Variants in CHRM2 observed in about 807,000 individuals in gnomAD.
CHRM2 encodes muscarinic acetylcholine receptor M2.
In CHRM2, 8 loss-of-function variants were observed where a neutral mutation model predicts 25.0. That is an observed-to-expected ratio of 0.32 (90% CI 0.19 to 0.58). The LOEUF (loss-of-function observed/expected upper bound fraction) is 0.58, where lower values mean the gene tolerates loss of function less well. Among genes scored for constraint, CHRM2 ranks in the 20% least tolerant of loss-of-function variants. The probability of loss-of-function intolerance (pLI) is 0.88; values close to 1 mark genes in which losing one functional copy is unlikely to be tolerated. For missense variants in CHRM2, 440 were observed against 567.1 expected, an observed-to-expected ratio of 0.78 and a Z score of 2.28; for synonymous variants, 202 against 205.7, an observed-to-expected ratio of 0.98 and a Z score of 0.15.
chr7:136,879,032 G>A (rs928891119), intron 2 of CHRM2, among the ~76,000 whole-genome samples: 1 of 151,858 alleles, frequency 6.6e-6, no homozygotes, highest in African/African-American at 2.4e-5. Context: ...TCAGTCTTAG[G>A]TGAAGTTTAG....
At chr7:136,951,285 A>G (rs562478328) in intron 2 of CHRM2, among the ~76,000 whole-genome samples, 4 of 152,316 alleles carry the variant, frequency 2.6e-5, no homozygotes, top group South Asian at 2.1e-4. Context: ...TTGAAGATAC[A>G]TAGAATTTGT....
At chr7:136,985,069 G>A (rs968675929) in intron 2 of CHRM2, among the ~76,000 whole-genome samples, 6 of 152,098 alleles carry the variant, frequency 3.9e-5, no homozygotes, top group African/African-American at 1.2e-4. Context: ...AATAAACTTT[G>A]TCATTGCTGT....
At chr7:136,873,090 T>C (rs1295150048) in intron 2 of CHRM2, among the ~76,000 whole-genome samples, 1 of 152,220 alleles carries the variant, frequency 6.6e-6, no homozygotes. Context: ...ACATGGACTC[T>C]CCGTGGCATA....
At chr7:136,979,318 T>C (rs1011339945) in intron 2 of CHRM2, among the ~76,000 whole-genome samples, 1 of 152,262 alleles carries the variant, frequency 6.6e-6, no homozygotes, top group Non-Finnish European at 1.5e-5. Context: ...TAAATTTGTT[T>C]AAGTTCCTTA....
intron 3 of CHRM2, among the ~76,000 whole-genome samples, chr7:136,992,883 T>G (rs1229862592): frequency 6.6e-6 from 1 of 152,162 alleles, no homozygotes; most frequent in Non-Finnish European, 1.5e-5. Flanking sequence ...TAGAATTTAT[T>G]CTCCAAGAAA....
At chr7:136,916,843 T>C (rs911991448) in intron 2 of CHRM2, among the ~76,000 whole-genome samples, 4 of 151,668 alleles carry the variant, frequency 2.6e-5, no homozygotes, top group African/African-American at 9.7e-5. Flanking sequence ...TTTCTCTCTC[T>C]CTCTCTCTCT....
At chr7:136,912,621 C>T (rs938355106) in intron 2 of CHRM2, among the ~76,000 whole-genome samples, 1 of 151,806 alleles carries the variant, frequency 6.6e-6, no homozygotes, top group African/African-American at 2.4e-5. Context: ...ACCGTTTGAA[C>T]CCAGAACTTC....
chr7:136,907,291 T>G (rs1797608729), intron 2 of CHRM2, among the ~76,000 whole-genome samples: 1 of 151,924 alleles, frequency 6.6e-6, no homozygotes, highest in Non-Finnish European at 1.5e-5. Flanking sequence ...AATTCAAAAC[T>G]TTCTGTACTT....
At chr7:136,970,843 C>A (rs1801717731) in intron 2 of CHRM2, among the ~76,000 whole-genome samples, 1 of 152,168 alleles carries the variant, frequency 6.6e-6, no homozygotes, top group African/African-American at 2.4e-5. Flanking sequence ...ACTAGTGACT[C>A]AGAGATTTTG....
At chr7:136,955,205 C>T (rs1186155813) in intron 2 of CHRM2, among the ~76,000 whole-genome samples, 3 of 152,128 alleles carry the variant, frequency 2.0e-5, no homozygotes, top group East Asian at 1.9e-4. Context: ...TGAAATGCAT[C>T]CTGACTGCTT....
chr7:136,952,817 A>C (rs1457139502), intron 2 of CHRM2, among the ~76,000 whole-genome samples: 11 of 152,006 alleles, frequency 7.2e-5, no homozygotes, highest in African/African-American at 2.7e-4. Flanking sequence ...TAAGAACATA[A>C]GGTATTTGGT....
At chr7:136,923,481 A>T (rs749545685) in intron 2 of CHRM2, among the ~76,000 whole-genome samples, 1 of 149,404 alleles carries the variant, frequency 6.7e-6, no homozygotes, top group Non-Finnish European at 1.5e-5. Context: ...AATCCAATCA[A>T]TTTTTTTTTT....
intron 2 of CHRM2, among the ~76,000 whole-genome samples, chr7:136,912,383 T>G (rs75976941): frequency 1.3e-5 from 2 of 151,972 alleles, no homozygotes; most frequent in Non-Finnish European, 2.9e-5. Context: ...AATGTCCTCT[T>G]GCTGATCCAT....
chr7:137,017,851 C>A lies in CHRM2; in HGVS notation c.*1585C>A, dbSNP rs528100294. The A allele has an allele frequency of 1.3e-5, 2 of 151,778 alleles. No homozygotes were observed. The highest frequency in any genetic ancestry group is 2.9e-5 in the Non-Finnish European group (2 of 67,890). 9.4% of individuals were successfully genotyped at this position (151,778 alleles called of 1,614,324 possible). On this transcript the variant is annotated 3_prime_UTR_variant, in exon 4 of 4. Coordinates refer to ENST00000680005, the MANE Select transcript of CHRM2 (RefSeq NM_001006630.2). Reference sequence around the variant, plus strand: ...GGTGGCATTATATAGAATCTTGCCACGTAGAGATTTTTTATTTGGTCGTCT... The same window carrying A: ...GGTGGCATTATATAGAATCTTGCCAAGTAGAGATTTTTTATTTGGTCGTCT...
intron 2 of CHRM2, among the ~76,000 whole-genome samples, chr7:136,962,504 A>G (rs1333305494): frequency 2.0e-5 from 3 of 152,148 alleles, no homozygotes; most frequent in East Asian, 1.9e-4. Flanking sequence ...GGGAGAATTA[A>G]GTAGACTCTA....
chr7:136,970,475 C>T (rs573503151), intron 2 of CHRM2, among the ~76,000 whole-genome samples: 186 of 152,158 alleles, frequency 1.2e-3, no homozygotes, highest in African/African-American at 4.3e-3. Flanking sequence ...CCATATTTTA[C>T]TTGAGTTTTC....
At chr7:136,931,482 A>T (rs1339530893) in intron 2 of CHRM2, among the ~76,000 whole-genome samples, 1 of 152,222 alleles carries the variant, frequency 6.6e-6, no homozygotes, top group Non-Finnish European at 1.5e-5. Flanking sequence ...GGTACTGAGG[A>T]AGCCACGTAA....
intron 2 of CHRM2, among the ~76,000 whole-genome samples, chr7:136,959,834 C>T (rs1432596845): frequency 6.6e-6 from 1 of 152,174 alleles, no homozygotes; most frequent in Admixed American, 6.5e-5. Context: ...TCGCTTGAAC[C>T]TGGGAGGCAG....
intron 2 of CHRM2, among the ~76,000 whole-genome samples, chr7:136,874,167 G>A (rs1200911952): frequency 6.6e-6 from 1 of 152,050 alleles, no homozygotes; most frequent in Non-Finnish European, 1.5e-5. Flanking sequence ...TTTTCTATAA[G>A]ATTGTTGGCA....
Sources: gnomAD v4.1 joint callset for allele counts (sites outside exome capture counted in the v4.1 genomes callset) on GRCh38, gnomAD v4.1.1 for gene constraint, MANE v1.5 for transcripts, NCBI Gene and HGNC (gene_info 2026-07-23, HGNC 2026-07-21) for gene names.